The following ATG14 variants were observed in gnomAD, a reference collection of about 807,000 sequenced individuals.
ATG14 encodes beclin 1-associated autophagy-related key regulator.
ATG14 carries 35 observed loss-of-function variants against 60.4 expected under a neutral mutation model. The observed-to-expected ratio is 0.58, with a 90% CI of 0.44 to 0.77. The LOEUF is 0.77. ATG14 is among the 30% of genes least tolerant of loss of function. The probability of loss-of-function intolerance (pLI) is 0.00; values close to 1 mark genes in which losing one functional copy is unlikely to be tolerated. For synonymous variants in ATG14, 234 were observed against 228.8 expected (o/e 1.02, Z -0.21); for missense variants, 647 against 626.3 (o/e 1.03, Z -0.35).
chr14:55,411,765 G>C lies in ATG14; in HGVS notation c.58C>G (p.Arg20Gly), dbSNP rs751323367. 1 of 1,605,812 alleles carries C rather than the reference G, an allele frequency of 6.2e-7. No homozygotes were observed. The highest frequency in any genetic ancestry group is 8.5e-7 in the Non-Finnish European group (1 of 1,176,820). Residue 20 changes from arginine (R) to glycine (G), a missense_variant, in exon 1 of 10, where the codon CGG (arginine) becomes GGG (glycine). Transcript: ENST00000247178. ...RALEAPGCGP[R>G]PLARDLVDSV... ...TCCACCAGGTCCCGGGCGAGCGGCC[G>C]GGGCCCGCAGCCAGGAGCCTCCAGC... is the stretch of plus-strand genomic sequence containing the variant.
intron 1 of ATG14, among the ~76,000 whole-genome samples, chr14:55,398,928 G>C (rs1179189631): frequency 2.6e-5 from 4 of 152,080 alleles, no homozygotes; most frequent in African/African-American, 9.7e-5. Flanking sequence ...CCATTTTCAA[G>C]GGAACAGGGA....
chr14:55,398,155 G>A (rs112804195), intron 1 of ATG14, among the ~76,000 whole-genome samples: 8,858 of 152,122 alleles, frequency 0.058, 324 homozygotes, highest in South Asian at 0.089. Context: ...GTTTCACTGT[G>A]TTAGCAAGGA....
Position 55,398,747 on chromosome 14 carries a change from G to A in ATG14, c.222-1313C>T, listed in dbSNP as rs769905184. 3.3e-5 allele frequency among the ~76,000 whole-genome samples: 5 copies of A among 151,858 alleles called. No individual in the cohort carries two copies. The South Asian group carries it at 6.2e-4, about 19-fold the overall frequency. ...GTGTATTCTACAGCTGTTGGGCAGT[G>A]TTCTATAAATGTCTTCTAGATCTGT... On this transcript the variant is annotated intron_variant, in intron 1 of 9. Coordinates refer to ENST00000247178, the MANE Select transcript of ATG14 (RefSeq NM_014924.5).
intron 1 of ATG14, among the ~76,000 whole-genome samples, chr14:55,407,421 C>T (rs1885509036): frequency 6.6e-6 from 1 of 151,804 alleles, no homozygotes; most frequent in Non-Finnish European, 1.5e-5. Flanking sequence ...GAGCCACTGC[C>T]CCCGGCCTCA....
chr14:55,404,663 G>A (rs1467522400), intron 1 of ATG14, among the ~76,000 whole-genome samples: 4 of 152,174 alleles, frequency 2.6e-5, no homozygotes, highest in Non-Finnish European at 4.4e-5. Context: ...GTGTACAGGT[G>A]GGGGGTGCTG....
In ATG14 at chr14:55,382,209, C is replaced by A. The variant is rs1233365146; in HGVS notation, c.648-18G>T. 4.3e-6 allele frequency: 7 copies of A among 1,611,650 alleles called. No homozygotes were observed. In the Admixed American group the frequency reaches 1.2e-4, roughly 27 times the overall value. ...CGGGGTCTCTACAAGTAGGAAGACA[C>A]ACACGGATTTTCAAGAGAGAGGGTT... On this transcript the variant is annotated intron_variant, in intron 5 of 9. Transcript: ENST00000247178.
chr14:55,375,689 T>G (rs1884906284), intron 9 of ATG14, among the ~76,000 whole-genome samples: 1 of 151,980 alleles, frequency 6.6e-6, no homozygotes, highest in Admixed American at 6.6e-5. Context: ...GGATATCCAG[T>G]TCAATAATTA....
intron 9 of ATG14, among the ~76,000 whole-genome samples, chr14:55,374,863 C>T (rs1300481055): frequency 1.3e-5 from 2 of 152,192 alleles, no homozygotes; most frequent in South Asian, 2.1e-4. Flanking sequence ...AATCACTCCA[C>T]CTATTTGCAT....
intron 9 of ATG14, among the ~76,000 whole-genome samples, chr14:55,377,067 C>G (rs1229600856): frequency 6.6e-6 from 1 of 152,158 alleles, no homozygotes; most frequent in Admixed American, 6.5e-5. Flanking sequence ...AATTGTGTGG[C>G]CAGGCACGGT....
rs1357957866 is a variant in ATG14 at position 55,368,020 on chromosome 14, CATA to C, written c.*1596_*1598del. ...ATCAGAGGTGCTATCATGCCAATCA[CATA>C]AGATATGGTAATAATGCCTGTTAGG... is the stretch of plus-strand genomic sequence containing the variant. On this transcript the variant is annotated 3_prime_UTR_variant, in exon 10 of 10. Coordinates refer to ENST00000247178, the MANE Select transcript of ATG14 (RefSeq NM_014924.5). The C allele has an allele frequency of 3.3e-5, 5 of 152,732 alleles. No homozygotes were observed. Among genetic ancestry groups the C allele is most frequent in the African/African-American group, 1.2e-4 (5 of 41,564 alleles). The allele number at this position is 152,732 out of a possible 1,614,324, so 9.5% of individuals were successfully genotyped here. A position where few individuals can be genotyped will look rare whatever the true frequency, so the allele number is the denominator to read the frequency against.
intron 1 of ATG14, among the ~76,000 whole-genome samples, chr14:55,409,423 T>C (rs1035807175): frequency 3.3e-5 from 5 of 152,086 alleles, no homozygotes; most frequent in Admixed American, 6.6e-5. Flanking sequence ...GTGGGGGCAG[T>C]TAGACAAATT....
At chr14:55,408,745 T>C (rs1029778596) in intron 1 of ATG14, among the ~76,000 whole-genome samples, 1 of 152,134 alleles carries the variant, frequency 6.6e-6, no homozygotes, top group Non-Finnish European at 1.5e-5. Context: ...CACTCCAGCC[T>C]CGGTGACAGA....
chr14:55,398,093 G>A (rs1435172107), intron 1 of ATG14, among the ~76,000 whole-genome samples: 2 of 151,816 alleles, frequency 1.3e-5, no homozygotes, highest in Non-Finnish European at 2.9e-5. Flanking sequence ...GACTACAGGC[G>A]CCTGCCACCA....
chr14:55,382,971 TAA>T (rs1168375196), intron 5 of ATG14, among the ~76,000 whole-genome samples: 7 of 152,220 alleles, frequency 4.6e-5, no homozygotes, highest in Non-Finnish European at 8.8e-5. Context: ...AAAAAATTAG[TAA>T]AGAGTGACAC....
Position 55,366,818 on chromosome 14 carries a change from T to C in ATG14, c.*2801A>G, listed in dbSNP as rs1436193336. 8 of 152,654 alleles carry C rather than the reference T, an allele frequency of 5.2e-5. No individual in the cohort carries two copies. Among genetic ancestry groups the C allele is most frequent in the Non-Finnish European group, 1.0e-4 (7 of 68,044 alleles). 9.5% of individuals were successfully genotyped at this position (152,654 alleles called of 1,614,324 possible). A position where few individuals can be genotyped will look rare whatever the true frequency, so the allele number is the denominator to read the frequency against. Reference sequence around the variant, plus strand: ...TACCAGCTTCAATTTTTTAAAAAGCTGTTTACATATGGTTCTGGCACCTAC... The same window carrying C: ...TACCAGCTTCAATTTTTTAAAAAGCCGTTTACATATGGTTCTGGCACCTAC... On this transcript the variant is annotated 3_prime_UTR_variant, in exon 10 of 10. Coordinates refer to ENST00000247178, the MANE Select transcript of ATG14 (RefSeq NM_014924.5).
At chr14:55,408,063 T>C (rs1025372780) in intron 1 of ATG14, among the ~76,000 whole-genome samples, 1 of 152,236 alleles carries the variant, frequency 6.6e-6, no homozygotes, top group African/African-American at 2.4e-5. Flanking sequence ...GGCATCATGC[T>C]AACCACTTTA....
chr14:55,373,538 C>T (rs1884861702), intron 9 of ATG14, among the ~76,000 whole-genome samples: 1 of 152,204 alleles, frequency 6.6e-6, no homozygotes, highest in Non-Finnish European at 1.5e-5. Context: ...CAGCTCACTG[C>T]AAACTCCGCC....
intron 7 of ATG14, among the ~76,000 whole-genome samples, chr14:55,378,825 T>C (rs9323284): frequency 0.56 from 84,773 of 151,928 alleles, 26,660 homozygotes; most frequent in African/African-American, 0.87. Flanking sequence ...CCCACCTCAC[T>C]CTCCCAAGTA....
chr14:55,396,791 T>A (rs965632568), intron 2 of ATG14, among the ~76,000 whole-genome samples: 2 of 152,082 alleles, frequency 1.3e-5, no homozygotes, highest in African/African-American at 4.8e-5. Flanking sequence ...TTCTCAATCC[T>A]AGGGGGTCAG....
Sources: gnomAD v4.1 joint callset for allele counts (sites outside exome capture counted in the v4.1 genomes callset) on GRCh38, gnomAD v4.1.1 for gene constraint, MANE v1.5 for transcripts, NCBI Gene and HGNC (gene_info 2026-07-23, HGNC 2026-07-21) for gene names.